The following PGBD5 variants were observed in gnomAD, a reference collection of about 807,000 sequenced individuals.
The protein encoded by PGBD5 is piggyBac transposable element derived 5, also known as piggyBac transposable element-derived protein 5.
Under a neutral mutation model 47.9 loss-of-function variants are expected in PGBD5, and 14 were observed. The ratio of observed to expected loss-of-function variants is 0.29; its 90% CI spans 0.19 to 0.46. The LOEUF (loss-of-function observed/expected upper bound fraction) is 0.46, where lower values mean the gene tolerates loss of function less well. Ranked by LOEUF, PGBD5 falls within the 20% of genes least tolerant of loss-of-function variation. The probability of loss-of-function intolerance (pLI) is 1.00; values close to 1 mark genes in which losing one functional copy is unlikely to be tolerated. For synonymous variants in PGBD5, 316 were observed against 306.3 expected (o/e 1.03, Z -0.33); for missense variants, 635 against 716.0 (o/e 0.89, Z 1.29).
intron 1 of PGBD5, among the ~76,000 whole-genome samples, chr1:230,409,950 T>C (rs1378526161): frequency 6.6e-6 from 1 of 152,200 alleles, no homozygotes; most frequent in African/African-American, 2.4e-5. Flanking sequence ...TGTTTGTTAT[T>C]ACTTTAAATG....
At chr1:230,351,178 G>A in intron 2 of PGBD5, 86 bp from the exon 3 acceptor site, 1 of 1,415,644 alleles carries the variant, frequency 7.1e-7, no homozygotes, top group Non-Finnish European at 9.3e-7. Flanking sequence ...TTCAGCCTCT[G>A]CATTTGAGCA....
At chr1:230,409,434 CCAAT>C (rs1264867002) in intron 1 of PGBD5, among the ~76,000 whole-genome samples, 2 of 152,060 alleles carry the variant, frequency 1.3e-5, no homozygotes, top group Non-Finnish European at 2.9e-5. Flanking sequence ...TTCATAATAG[CCAAT>C]AGGTGAAAAC....
intron 1 of PGBD5, chr1:230,362,488 G>A: frequency 4.2e-6 from 5 of 1,184,400 alleles, no homozygotes; most frequent in Non-Finnish European, 5.3e-6. Flanking sequence ...AAGCCCTCCT[G>A]GGGCTCCAGC....
Position 230,388,021 on chromosome 1 carries a change from C to T in PGBD5, c.332-30700G>A, listed in dbSNP as rs78357096. Among the ~76,000 whole-genome samples the T allele has an allele frequency of 2.7e-3, 405 of 152,192 alleles. 2 individuals are homozygous for T. The highest frequency in any genetic ancestry group is 9.5e-3 in the African/African-American group (395 of 41,520). On this transcript the variant is annotated intron_variant, in intron 1 of 6. Coordinates refer to ENST00000391860, the MANE Select transcript of PGBD5 (RefSeq NM_001258311.2). ...GCTCCCTGCGTCCCCCAGTGATGGACGTAACTCAGTGTGAAGCTCTCTCTA... is the reference window on the plus strand; with the variant it reads ...GCTCCCTGCGTCCCCCAGTGATGGATGTAACTCAGTGTGAAGCTCTCTCTA...
chr1:230,389,502 T>C (rs1213447588), intron 1 of PGBD5, among the ~76,000 whole-genome samples: 1 of 152,184 alleles, frequency 6.6e-6, no homozygotes, highest in East Asian at 1.9e-4. Context: ...TCAATGAGCA[T>C]GTATACGTTA....
chr1:230,315,727 T>A lies in PGBD5; in HGVS notation c.*7698A>T, dbSNP rs1666925151. On this transcript the variant is annotated 3_prime_UTR_variant, in exon 7 of 7. Coordinates refer to ENST00000391860, the MANE Select transcript of PGBD5 (RefSeq NM_001258311.2). ...ATACACACAAGATAGATATATATATTAAGTGGACACTGTATGTGTATATAT... is the reference window on the plus strand; with the variant it reads ...ATACACACAAGATAGATATATATATAAAGTGGACACTGTATGTGTATATAT... 1 of 150,972 alleles carries A rather than the reference T, an allele frequency of 6.6e-6. No homozygotes were observed. Among genetic ancestry groups the A allele is most frequent in the Admixed American group, 6.6e-5 (1 of 15,164 alleles). The allele number at this position is 150,972 out of a possible 1,614,324, so 9.4% of individuals were successfully genotyped here. A position where few individuals can be genotyped will look rare whatever the true frequency, so the allele number is the denominator to read the frequency against.
intron 1 of PGBD5, among the ~76,000 whole-genome samples, chr1:230,388,208 A>T (rs1656694053): frequency 6.6e-6 from 1 of 152,194 alleles, no homozygotes; most frequent in Non-Finnish European, 1.5e-5. Context: ...GACTCGACAC[A>T]GGGTGGCTTG....
chr1:230,410,228 TG>T (rs1021606851), intron 1 of PGBD5, among the ~76,000 whole-genome samples: 1 of 152,156 alleles, frequency 6.6e-6, no homozygotes, highest in African/African-American at 2.4e-5. Context: ...TAGACGTATG[TG>T]TGCACCAAAT....
At chr1:230,369,344 T>A (rs2820373) in intron 1 of PGBD5, among the ~76,000 whole-genome samples, 2 of 152,124 alleles carry the variant, frequency 1.3e-5, no homozygotes, top group Non-Finnish European at 2.9e-5. Flanking sequence ...GACAGGCTCA[T>A]GGGTCAGGGG....
chr1:230,333,508 A>G (rs185303764), intron 4 of PGBD5, among the ~76,000 whole-genome samples: 2 of 152,324 alleles, frequency 1.3e-5, no homozygotes, highest in Admixed American at 6.5e-5. Flanking sequence ...GGGAGGGCAA[A>G]GACAGGCATG....
Position 230,323,170 on chromosome 1 carries a change from T to G in PGBD5, c.*255A>C. 1 of 486,322 alleles carries G rather than the reference T, an allele frequency of 2.1e-6. No individual in the cohort carries two copies. Among genetic ancestry groups the G allele is most frequent in the Non-Finnish European group, 3.7e-6 (1 of 272,850 alleles). The allele number at this position is 486,322 out of a possible 1,614,324, so 30.1% of individuals were successfully genotyped here. The stretch of plus-strand genomic sequence containing the variant: ...CGGATGTCATGAGAGAATCTGCCCT[T>G]GAGAACGTGGGTGTAAGTGCTCATC... On this transcript the variant is annotated 3_prime_UTR_variant, in exon 7 of 7. Transcript: ENST00000391860. The surrounding 1 kb of genome is among the most constrained non-coding windows in gnomAD (Gnocchi z 4.1).
At chr1:230,376,213 G>A (rs1668011841) in intron 1 of PGBD5, among the ~76,000 whole-genome samples, 2 of 152,052 alleles carry the variant, frequency 1.3e-5, no homozygotes, top group Admixed American at 1.3e-4. Context: ...TAATTTATTA[G>A]CACACTTCAC....
At chr1:230,389,698 T>A (rs1429950345) in intron 1 of PGBD5, among the ~76,000 whole-genome samples, 1 of 152,158 alleles carries the variant, frequency 6.6e-6, no homozygotes, top group Non-Finnish European at 1.5e-5. Context: ...GGAATAAGGT[T>A]GTATTAACCC....
In PGBD5 at chr1:230,425,320, G is replaced by A. The variant is rs1657750319; in HGVS notation, c.331+278C>T. 1.3e-5 allele frequency among the ~76,000 whole-genome samples: 2 copies of A among 152,148 alleles called. No homozygotes were observed. ...CAGGTGTGACAGACTTCCCATGCAGGGGCTGGGGTGCTCCCAGGAAGTGAA... is the reference window on the plus strand; with the variant it reads ...CAGGTGTGACAGACTTCCCATGCAGAGGCTGGGGTGCTCCCAGGAAGTGAA... On this transcript the variant is annotated intron_variant, in intron 1 of 6. Coordinates refer to ENST00000391860, the MANE Select transcript of PGBD5 (RefSeq NM_001258311.2). This position sits in a 1 kb window ranked among gnomAD's most constrained non-coding sequence, Gnocchi z 4.7.
chr1:230,404,941 A>G (rs1327331600), intron 1 of PGBD5, among the ~76,000 whole-genome samples: 1 of 150,106 alleles, frequency 6.7e-6, no homozygotes, highest in African/African-American at 2.4e-5. Context: ...AAAAAAAAAA[A>G]AGGCTTCCCA....
chr1:230,412,513 C>T (rs370608541), intron 1 of PGBD5, among the ~76,000 whole-genome samples: 1 of 151,626 alleles, frequency 6.6e-6, no homozygotes, highest in Non-Finnish European at 1.5e-5. Context: ...CTCAGCCTCC[C>T]GAGTAGCTGG....
intron 1 of PGBD5, among the ~76,000 whole-genome samples, chr1:230,372,631 A>G (rs1397201590): frequency 6.6e-6 from 1 of 152,214 alleles, no homozygotes; most frequent in African/African-American, 2.4e-5. Context: ...ACTTCTACAT[A>G]AATCCTAATT....
intron 4 of PGBD5, among the ~76,000 whole-genome samples, chr1:230,335,725 A>ATG (rs1667303944): frequency 6.7e-6 from 1 of 150,302 alleles, no homozygotes; most frequent in Non-Finnish European, 1.5e-5. Flanking sequence ...ACACATACAG[A>ATG]CACACACAGA....
Position 230,320,303 on chromosome 1 carries a change from A to G in PGBD5, c.*3122T>C, listed in dbSNP as rs1268224389. ...CTAAGAAGGACCTCACGGGACGCTC[A>G]ACACAACTGCAGTAATGGGAAGGTC... On this transcript the variant is annotated 3_prime_UTR_variant, in exon 7 of 7. Transcript: ENST00000391860. 1 of 152,230 alleles carries G rather than the reference A, an allele frequency of 6.6e-6. No individual in the cohort carries two copies. The highest frequency in any genetic ancestry group is 1.5e-5 in the Non-Finnish European group (1 of 68,048). 9.4% of individuals were successfully genotyped at this position (152,230 alleles called of 1,614,324 possible). A position where few individuals can be genotyped will look rare whatever the true frequency, so the allele number is the denominator to read the frequency against.
Sources: gnomAD v4.1 joint callset for allele counts (sites outside exome capture counted in the v4.1 genomes callset) on GRCh38, gnomAD v4.1.1 for gene constraint, Gnocchi (gnomAD v3.1) non-coding constraint, MANE v1.5 for transcripts, NCBI Gene and HGNC (gene_info 2026-07-23, HGNC 2026-07-21) for gene names.